Variants in FHIT observed in about 807,000 individuals in gnomAD.
FHIT encodes bis(5'-adenosyl)-triphosphatase.
A neutral mutation model predicts 17.9 loss-of-function variants in FHIT; 19 were observed. That is an observed-to-expected ratio of 1.06 (90% CI 0.74 to 1.56). The LOEUF is 1.56. FHIT is among the 40% of genes most tolerant of loss of function. FHIT has a pLI of 0.00. For synonymous variants in FHIT, 81 were observed against 69.7 expected, an observed-to-expected ratio of 1.16 and a Z score of -0.81; for missense variants, 248 against 189.2, an observed-to-expected ratio of 1.31 and a Z score of -1.82.
At chr3:60,941,114 A>C (rs1449660799) in intron 3 of FHIT, among the ~76,000 whole-genome samples, 2 of 152,260 alleles carry the variant, frequency 1.3e-5, no homozygotes, top group African/African-American at 2.4e-5. Flanking sequence ...CTTTTTAAAA[A>C]AATTAAGTCA....
intron 2 of FHIT, among the ~76,000 whole-genome samples, chr3:61,042,494 T>C (rs964329196): frequency 6.6e-6 from 1 of 152,192 alleles, no homozygotes; most frequent in Non-Finnish European, 1.5e-5. Flanking sequence ...TATATGAGAA[T>C]TGATCACATA....
rs116194494 is a variant in FHIT at position 60,103,924 on chromosome 3, T to C, written c.104-89772A>G. On this transcript the variant is annotated intron_variant, in intron 5 of 9. Transcript: ENST00000492590. Reference sequence around the variant, plus strand: ...TCTAAAAAGCAGATCACTTTCTGAGTTAGAAAGCTTATCTGCTTTCCCTCC... The same window carrying C: ...TCTAAAAAGCAGATCACTTTCTGAGCTAGAAAGCTTATCTGCTTTCCCTCC... Among the ~76,000 whole-genome samples the C allele has an allele frequency of 3.3e-3, 501 of 152,294 alleles. 4 individuals carry two copies. Among genetic ancestry groups the C allele is most frequent in the African/African-American group, 0.011 (473 of 41,568 alleles).
Position 61,042,087 on chromosome 3 carries a change from T to C in FHIT, c.-151A>G, listed in dbSNP as rs1411719327. On this transcript the variant is annotated 5_prime_UTR_variant, in exon 3 of 10. Coordinates refer to ENST00000492590, the MANE Select transcript of FHIT (RefSeq NM_002012.4). ...CTCCCTTCCACCGTCTGGATGTAGA[T>C]AGCACTACGGACCTAGGGAAAGGCA... is the stretch of plus-strand genomic sequence containing the variant. 6.6e-6 allele frequency: 1 copy of C among 152,214 alleles called. No individual in the cohort carries two copies. Among genetic ancestry groups the C allele is most frequent in the Non-Finnish European group, 1.5e-5 (1 of 68,052 alleles). The allele number at this position is 152,214 out of a possible 1,614,324, so 9.4% of individuals were successfully genotyped here.
At chr3:60,515,870 C>CA (rs2035135191) in intron 5 of FHIT, among the ~76,000 whole-genome samples, 1 of 152,330 alleles carries the variant, frequency 6.6e-6, no homozygotes, top group South Asian at 2.1e-4. Flanking sequence ...TCTTGTAAGA[C>CA]AACTGAGCTT....
At chr3:59,807,436 G>GAAGTCTGA (rs1370799842) in intron 8 of FHIT, among the ~76,000 whole-genome samples, 1 of 152,154 alleles carries the variant, frequency 6.6e-6, no homozygotes, top group East Asian at 1.9e-4. Context: ...TGGTGGGTTA[G>GAAGTCTGA]AAGTCTGAAA....
chr3:60,103,102 C>A (rs560795828), intron 5 of FHIT, among the ~76,000 whole-genome samples: 21 of 152,302 alleles, frequency 1.4e-4, no homozygotes, highest in Middle Eastern at 6.8e-3. Flanking sequence ...CTGCTTGACC[C>A]AGCTCCTTGG....
rs147600325 is a variant in FHIT at position 60,397,342 on chromosome 3, C to T, written c.103+139518G>A. Among the ~76,000 whole-genome samples, 970 of 152,214 alleles carry T rather than the reference C, an allele frequency of 6.4e-3. 17 individuals are homozygous for T. Among genetic ancestry groups the T allele is most frequent in the African/African-American group, 0.021 (890 of 41,548 alleles). On this transcript the variant is annotated intron_variant, in intron 5 of 9. Coordinates refer to ENST00000492590, the MANE Select transcript of FHIT (RefSeq NM_002012.4). ...GAACTTCCAGACCATGATGCTAATG[C>T]TTGTGAAGCAGAGGAAGAGATAGGA...
rs553584932 is a variant in FHIT at position 59,926,817 on chromosome 3, C to A, written c.280-4403G>T. Among the ~76,000 whole-genome samples, 8 of 152,298 alleles carry A rather than the reference C, an allele frequency of 5.3e-5. No homozygotes were observed. In the East Asian group the frequency reaches 9.7e-4, roughly 18 times the overall value. On this transcript the variant is annotated intron_variant, in intron 7 of 9. Transcript: ENST00000492590. ...CACTAGAAAGGCAATAATCAAAAGA[C>A]ACACAATAACAAGCGTTGGCCAGAG... is the stretch of plus-strand genomic sequence containing the variant.
At chr3:60,660,727 C>CTTTTTTTTTTTTTTTTTTTTTTTTTT (rs1220817643) in intron 4 of FHIT, among the ~76,000 whole-genome samples, 9 of 16,756 alleles carry the variant, frequency 5.4e-4, no homozygotes, top group African/African-American at 9.5e-4. Context: ...TTTTATTGTG[C>CTTTTTTTTTTTTTTTTTTTTTTTTTT]TCTTTTTTTT....
intron 3 of FHIT, among the ~76,000 whole-genome samples, chr3:60,848,350 T>C (rs1006036471): frequency 7.2e-5 from 11 of 152,206 alleles, no homozygotes; most frequent in South Asian, 4.1e-4. Context: ...ATAATTTTTT[T>C]GCAATTTTAA....
At chr3:60,928,574 A>C (rs1707779452) in intron 3 of FHIT, among the ~76,000 whole-genome samples, 3 of 124,156 alleles carry the variant, frequency 2.4e-5, no homozygotes, top group Middle Eastern at 3.8e-3. Flanking sequence ...ATAAATAAAT[A>C]AATCCTATTT....
At chr3:59,808,761 G>A (rs899586182) in intron 8 of FHIT, among the ~76,000 whole-genome samples, 2 of 152,068 alleles carry the variant, frequency 1.3e-5, no homozygotes, top group East Asian at 3.9e-4. Context: ...CAATAGGCTC[G>A]GGGATAATCT....
In FHIT at chr3:61,033,054, G is replaced by A. The variant is rs77664436; in HGVS notation, c.-111+8993C>T. ...TTTCTGCACGTTTTGTTCTATTCACGTCCTCAAGAGATTGGGTGATGCTCA... is the reference window on the plus strand; with the variant it reads ...TTTCTGCACGTTTTGTTCTATTCACATCCTCAAGAGATTGGGTGATGCTCA... On this transcript the variant is annotated intron_variant, in intron 3 of 9. Transcript: ENST00000492590. 2.1e-3 allele frequency among the ~76,000 whole-genome samples: 313 copies of A among 152,328 alleles called. 2 individuals carry two copies. Among genetic ancestry groups the A allele is most frequent in the African/African-American group, 6.9e-3 (287 of 41,582 alleles).
intron 5 of FHIT, among the ~76,000 whole-genome samples, chr3:60,365,990 AAAC>A (rs1164757435): frequency 3.9e-5 from 6 of 152,214 alleles, no homozygotes; most frequent in African/African-American, 1.2e-4. Flanking sequence ...TTGAATGACC[AAAC>A]AACTGGTGTT....
At chr3:60,029,879 T>C (rs538612950) in intron 5 of FHIT, among the ~76,000 whole-genome samples, 20 of 131,472 alleles carry the variant, frequency 1.5e-4, no homozygotes, top group South Asian at 2.7e-4. Flanking sequence ...CATAGAAGCA[T>C]TGTGTGTGTG....
At chr3:60,042,002 C>T (rs1392225141) in intron 5 of FHIT, among the ~76,000 whole-genome samples, 3 of 152,094 alleles carry the variant, frequency 2.0e-5, no homozygotes, top group Non-Finnish European at 4.4e-5. Flanking sequence ...AATAATACTC[C>T]TTATTTACAT....
At chr3:60,923,643 A>G (rs1553768991) in intron 3 of FHIT, among the ~76,000 whole-genome samples, 1 of 152,140 alleles carries the variant, frequency 6.6e-6, no homozygotes, top group East Asian at 1.9e-4. Context: ...AATGCAGAAG[A>G]CGGGTGATTT....
intron 5 of FHIT, among the ~76,000 whole-genome samples, chr3:60,524,504 G>T (rs2035500047): frequency 6.6e-6 from 1 of 152,152 alleles, no homozygotes; most frequent in African/African-American, 2.4e-5. Context: ...GGAATCTAGT[G>T]TGGTTGGATC....
At chr3:60,015,594 C>T (rs1361328793) in intron 5 of FHIT, among the ~76,000 whole-genome samples, 1 of 152,194 alleles carries the variant, frequency 6.6e-6, no homozygotes, top group Non-Finnish European at 1.5e-5. Flanking sequence ...AGGGACCCTT[C>T]CCCATATTCC....
Sources: allele counts gnomAD v4.1 joint callset (sites outside exome capture counted in the v4.1 genomes callset), GRCh38; gene constraint gnomAD v4.1.1; transcripts MANE v1.5; gene names NCBI Gene and HGNC (gene_info 2026-07-23, HGNC 2026-07-21).